Variants in MCPH1 observed in about 807,000 individuals in gnomAD.
The protein encoded by MCPH1 is microcephalin.
In MCPH1, 104 loss-of-function variants were observed where a neutral mutation model predicts 84.5. The ratio of observed to expected loss-of-function variants is 1.23; its 90% CI spans 1.05 to 1.45. MCPH1 has a LOEUF of 1.45. Ranked by LOEUF, MCPH1 falls within the 40% of genes most tolerant of loss-of-function variation. The pLI, the probability that MCPH1 is intolerant of heterozygous loss-of-function variation, is 0.00. For missense variants in MCPH1, 1,498 were observed against 1,005.7 expected, an observed-to-expected ratio of 1.49 and a Z score of -6.62; for synonymous variants, 514 against 366.8, an observed-to-expected ratio of 1.40 and a Z score of -4.58.
intron 8 of MCPH1, among the ~76,000 whole-genome samples, chr8:6,454,070 A>C (rs1805407387): frequency 6.6e-6 from 1 of 152,182 alleles, no homozygotes; most frequent in South Asian, 2.1e-4. Context: ...AGACTCTCCA[A>C]ACTTAGTTAT....
chr8:6,468,311 T>G (rs1807249457), intron 9 of MCPH1, among the ~76,000 whole-genome samples: 2 of 152,174 alleles, frequency 1.3e-5, no homozygotes, highest in South Asian at 4.1e-4. Context: ...CACCTGTGCA[T>G]GCCCCCTATG....
At chr8:6,622,572 G>A (rs775872617) in intron 13 of MCPH1, among the ~76,000 whole-genome samples, 2 of 152,188 alleles carry the variant, frequency 1.3e-5, no homozygotes, top group Non-Finnish European at 2.9e-5. Flanking sequence ...GGCTGCCATC[G>A]CAAAATACTA....
rs532721339 is a variant in MCPH1 at position 6,495,588 on chromosome 8, T to C, written c.2137-4264T>C. On this transcript the variant is annotated intron_variant, in intron 11 of 13. Coordinates refer to ENST00000344683, the MANE Select transcript of MCPH1 (RefSeq NM_024596.5). Reference sequence around the variant, plus strand: ...AATCTTTGTAATTTGATTTTTATAATTTTGTCAGCTTAAATTAGTAAAAAG... The same window carrying C: ...AATCTTTGTAATTTGATTTTTATAACTTTGTCAGCTTAAATTAGTAAAAAG... Among the ~76,000 whole-genome samples, 25 of 152,386 alleles carry C rather than the reference T, an allele frequency of 1.6e-4. No individual in the cohort carries two copies. The South Asian group carries it at 1.9e-3, about 11-fold the overall frequency.
intron 12 of MCPH1, among the ~76,000 whole-genome samples, chr8:6,547,910 A>T (rs1369448989): frequency 2.7e-5 from 4 of 147,546 alleles, no homozygotes; most frequent in Non-Finnish European, 4.5e-5. Context: ...TTTAACCAAA[A>T]CTCACTGTGG....
intron 11 of MCPH1, among the ~76,000 whole-genome samples, chr8:6,489,997 C>T (rs1810383122): frequency 6.6e-6 from 1 of 152,206 alleles, no homozygotes; most frequent in Non-Finnish European, 1.5e-5. Context: ...TCAAGGATCA[C>T]ACTGTTGGTC....
chr8:6,484,425 C>T (rs1201837535), intron 11 of MCPH1, among the ~76,000 whole-genome samples: 1 of 152,238 alleles, frequency 6.6e-6, no homozygotes, highest in Non-Finnish European at 1.5e-5. Context: ...GCTGGAACGG[C>T]TGCTGGTGTG....
intron 11 of MCPH1, among the ~76,000 whole-genome samples, chr8:6,490,856 G>T (rs1017984470): frequency 1.3e-5 from 2 of 151,748 alleles, no homozygotes; most frequent in African/African-American, 4.8e-5. Context: ...TTTTTCTTGG[G>T]TTCTTGTTTC....
chr8:6,623,500 ATTATCCC>A (rs1165000183), intron 13 of MCPH1, among the ~76,000 whole-genome samples: 1 of 151,974 alleles, frequency 6.6e-6, no homozygotes, highest in Non-Finnish European at 1.5e-5. Context: ...TCTGCTCAAC[ATTATCCC>A]TTAATAGACA....
intron 11 of MCPH1, among the ~76,000 whole-genome samples, chr8:6,492,223 G>A (rs1810689162): frequency 1.3e-5 from 2 of 152,144 alleles, no homozygotes; most frequent in South Asian, 4.1e-4. Flanking sequence ...TTCTCTGATG[G>A]CCAGTGATGA....
intron 12 of MCPH1, among the ~76,000 whole-genome samples, chr8:6,553,068 T>C (rs368460750): frequency 6.6e-6 from 1 of 152,254 alleles, no homozygotes; most frequent in African/African-American, 2.4e-5. Context: ...ACCCACAGAA[T>C]GTACAGCACC....
intron 12 of MCPH1, among the ~76,000 whole-genome samples, chr8:6,589,749 T>C (rs1828291014): frequency 6.6e-6 from 1 of 152,236 alleles, no homozygotes; most frequent in African/African-American, 2.4e-5. Context: ...TGCAACCAAA[T>C]ACATTATGTG....
At chr8:6,546,270 C>T (rs984953712) in intron 12 of MCPH1, among the ~76,000 whole-genome samples, 3 of 152,218 alleles carry the variant, frequency 2.0e-5, no homozygotes, top group Non-Finnish European at 4.4e-5. Context: ...GGCAACCCAG[C>T]AGTGTTCAAT....
intron 12 of MCPH1, among the ~76,000 whole-genome samples, chr8:6,605,383 C>T (rs952490958): frequency 6.6e-6 from 1 of 152,150 alleles, no homozygotes; most frequent in African/African-American, 2.4e-5. Flanking sequence ...AGCAGGGAGT[C>T]CTTGCCTTTC....
intron 11 of MCPH1, among the ~76,000 whole-genome samples, chr8:6,495,634 T>A (rs1292684162): frequency 6.6e-6 from 1 of 152,236 alleles, no homozygotes; most frequent in Non-Finnish European, 1.5e-5. Context: ...TTACTTTTGT[T>A]ACGCTTATAA....
chr8:6,461,118 T>A (rs2920662), intron 9 of MCPH1, among the ~76,000 whole-genome samples: 38,072 of 151,910 alleles, frequency 0.25, 6,782 homozygotes, highest in African/African-American at 0.5. Flanking sequence ...AACACCTGAA[T>A]TGACATTAAT....
chr8:6,640,109 T>TGG (rs1797848766), intron 13 of MCPH1, among the ~76,000 whole-genome samples: 1 of 122,970 alleles, frequency 8.1e-6, no homozygotes, highest in Admixed American at 1.0e-4. Flanking sequence ...CGCGCGCGTG[T>TGG]GTGTGTGTGT....
chr8:6,523,578 AG>A, intron 12 of MCPH1, among the ~76,000 whole-genome samples: 1 of 146,470 alleles, frequency 6.8e-6, no homozygotes, highest in Non-Finnish European at 1.5e-5. Context: ...GGTATTTGGC[AG>A]GGTTTTTTGT....
chr8:6,426,728 AG>A (rs1480577355), intron 3 of MCPH1, among the ~76,000 whole-genome samples: 1 of 152,222 alleles, frequency 6.6e-6, no homozygotes, highest in Non-Finnish European at 1.5e-5. Context: ...TATTCCCACC[AG>A]CAGTGTTCCT....
intron 12 of MCPH1, among the ~76,000 whole-genome samples, chr8:6,556,014 A>G (rs533985801): frequency 6.6e-6 from 1 of 152,180 alleles, no homozygotes; most frequent in African/African-American, 2.4e-5. Context: ...TGCTGTGGGG[A>G]CTTGGTATCT....
Sources: gnomAD v4.1 joint callset for allele counts (sites outside exome capture counted in the v4.1 genomes callset) on GRCh38, gnomAD v4.1.1 for gene constraint, MANE v1.5 for transcripts, NCBI Gene and HGNC (gene_info 2026-07-23, HGNC 2026-07-21) for gene names.